VWA8: variants seen among roughly 807,000 people sequenced by gnomAD.
The protein encoded by VWA8 is von Willebrand factor A domain-containing protein 8.
Under a neutral mutation model 241.5 loss-of-function variants are expected in VWA8, and 221 were observed. The ratio of observed to expected loss-of-function variants is 0.91; its 90% CI spans 0.82 to 1.02. The LOEUF (loss-of-function observed/expected upper bound fraction) is 1.02, where lower values mean the gene tolerates loss of function less well. Ranked by LOEUF, VWA8 falls within the 50% of genes least tolerant of loss-of-function variation. VWA8 has a pLI of 0.00. For synonymous variants in VWA8, 852 were observed against 827.1 expected (o/e 1.03, Z -0.52); for missense variants, 2,322 against 2,328.7 (o/e 1.00, Z 0.06).
chr13:41,886,481 C>G (rs893903314), intron 7 of VWA8, among the ~76,000 whole-genome samples: 1 of 152,182 alleles, frequency 6.6e-6, no homozygotes, highest in African/African-American at 2.4e-5. Context: ...GGACCCATTT[C>G]AAACACCAAT....
intron 26 of VWA8, among the ~76,000 whole-genome samples, chr13:41,705,440 T>C (rs2045276994): frequency 6.6e-6 from 1 of 152,212 alleles, no homozygotes; most frequent in African/African-American, 2.4e-5. Flanking sequence ...GTTTAGGGAA[T>C]AAACTATATT....
intron 14 of VWA8, among the ~76,000 whole-genome samples, chr13:41,820,047 A>C (rs1457476950): frequency 6.6e-6 from 1 of 152,212 alleles, no homozygotes; most frequent in Non-Finnish European, 1.5e-5. Flanking sequence ...TAAATTTTCT[A>C]GTACACACAG....
chr13:41,880,130 T>C (rs987658822), intron 9 of VWA8, among the ~76,000 whole-genome samples: 3 of 152,204 alleles, frequency 2.0e-5, no homozygotes, highest in Admixed American at 6.5e-5. Flanking sequence ...CCCCACGTAT[T>C]ATAAACCACT....
At chr13:41,602,988 A>G (rs1011393200) in intron 40 of VWA8, among the ~76,000 whole-genome samples, 9 of 152,290 alleles carry the variant, frequency 5.9e-5, no homozygotes, top group African/African-American at 1.9e-4. Flanking sequence ...CTATATCTTA[A>G]AACTCTTTCT....
intron 2 of VWA8, among the ~76,000 whole-genome samples, chr13:41,914,380 T>C (rs772913005): frequency 6.6e-6 from 1 of 152,216 alleles, no homozygotes; most frequent in Non-Finnish European, 1.5e-5. Context: ...GATGCTAGCA[T>C]GCAACTGGCC....
chr13:41,761,828 T>C (rs1406267652), intron 20 of VWA8, among the ~76,000 whole-genome samples: 1 of 152,130 alleles, frequency 6.6e-6, no homozygotes, highest in Non-Finnish European at 1.5e-5. Flanking sequence ...TATCCTTTTG[T>C]AGAAGACAGA....
chr13:41,754,659 T>C (rs1469369085), intron 21 of VWA8, among the ~76,000 whole-genome samples: 2 of 152,138 alleles, frequency 1.3e-5, no homozygotes, highest in African/African-American at 2.4e-5. Context: ...TTTTTGGCTA[T>C]AATCACCCTG....
At chr13:41,768,669 T>C (rs924657283) in intron 20 of VWA8, among the ~76,000 whole-genome samples, 3 of 152,198 alleles carry the variant, frequency 2.0e-5, no homozygotes, top group African/African-American at 7.2e-5. Flanking sequence ...AGAAATTAAA[T>C]TGGCCCAGTG....
chr13:41,869,432 G>C (rs938369482), intron 9 of VWA8, among the ~76,000 whole-genome samples: 1 of 151,718 alleles, frequency 6.6e-6, no homozygotes, highest in Admixed American at 6.6e-5. Context: ...TCAGGAGTTC[G>C]ACACGAGCCT....
At chr13:41,819,791 T>C (rs1593793453) in intron 14 of VWA8, among the ~76,000 whole-genome samples, 1 of 152,158 alleles carries the variant, frequency 6.6e-6, no homozygotes. Context: ...ACCCACTCTA[T>C]GTCAATCAAA....
At chr13:41,784,761 TACAC>T (rs72123986) in intron 18 of VWA8, among the ~76,000 whole-genome samples, 3 of 78,510 alleles carry the variant, frequency 3.8e-5, no homozygotes, top group East Asian at 4.0e-4. Context: ...TATATATATA[TACAC>T]ACACACACAC....
intron 18 of VWA8, among the ~76,000 whole-genome samples, chr13:41,784,727 T>TATATATATATATATAC (rs1555335045): frequency 0.021 from 1,452 of 68,402 alleles, 111 homozygotes; most frequent in Non-Finnish European, 0.035. Context: ...TATATATATA[T>TATATATATATATATAC]ATACACACAC....
chr13:41,742,571 T>C (rs373625413), intron 21 of VWA8, among the ~76,000 whole-genome samples: 6 of 152,330 alleles, frequency 3.9e-5, no homozygotes, highest in African/African-American at 1.4e-4. Flanking sequence ...AAACAGTACC[T>C]TAAAAACACT....
chr13:41,850,631 G>A (rs1248122178), intron 12 of VWA8, among the ~76,000 whole-genome samples: 3 of 152,140 alleles, frequency 2.0e-5, no homozygotes, highest in Non-Finnish European at 4.4e-5. Context: ...TCCACCTAAG[G>A]ACTCCATTAG....
At chr13:41,700,416 A>T (rs1480418056) in intron 28 of VWA8, among the ~76,000 whole-genome samples, 1 of 152,166 alleles carries the variant, frequency 6.6e-6, no homozygotes, top group Non-Finnish European at 1.5e-5. Context: ...AGACAATGCA[A>T]ACTGTAGATG....
chr13:41,633,742 C>T lies in VWA8; in HGVS notation c.4612-18658G>A, dbSNP rs116499255. On this transcript the variant is annotated intron_variant, in intron 37 of 44. Coordinates refer to ENST00000379310, the MANE Select transcript of VWA8 (RefSeq NM_015058.2). ...CTGAGCTGCATGGTAATCAGAAACA[C>T]ACAAACAATTCACATAATGACTGTA... Among the ~76,000 whole-genome samples the T allele has an allele frequency of 1.7e-3, 252 of 152,240 alleles. 1 individual carries two copies. The highest frequency in any genetic ancestry group is 5.8e-3 in the African/African-American group (242 of 41,544).
At chr13:41,590,576 A>T in intron 41 of VWA8, 64 bp downstream of exon 41, 1 of 1,501,020 alleles carries the variant, frequency 6.7e-7, no homozygotes, top group South Asian at 1.4e-5. Context: ...AACTCACGAA[A>T]GCAAGTTTCT....
intron 12 of VWA8, among the ~76,000 whole-genome samples, chr13:41,840,089 C>T (rs1871926838): frequency 6.6e-6 from 1 of 152,108 alleles, no homozygotes; most frequent in Admixed American, 6.6e-5. Flanking sequence ...TCCTTCACAT[C>T]CTTTGTAAGT....
intron 12 of VWA8, 49 bp downstream of exon 12, chr13:41,865,687 T>TA: frequency 6.3e-7 from 1 of 1,595,400 alleles, no homozygotes; most frequent in Non-Finnish European, 8.6e-7. Flanking sequence ...GCTGATGGCC[T>TA]AAGCATATAT....
Sources: gnomAD v4.1 joint callset for allele counts (sites outside exome capture counted in the v4.1 genomes callset) on GRCh38, gnomAD v4.1.1 for gene constraint, MANE v1.5 for transcripts, NCBI Gene and HGNC (gene_info 2026-07-23, HGNC 2026-07-21) for gene names.